CTRC: variants seen among roughly 807,000 people sequenced by gnomAD.
The protein encoded by CTRC is chymotrypsin C.
A neutral mutation model predicts 35.7 loss-of-function variants in CTRC; 32 were observed. The ratio of observed to expected loss-of-function variants is 0.90; its 90% CI spans 0.68 to 1.20. CTRC has a LOEUF of 1.20. Among genes scored for constraint, CTRC ranks in the 50% most tolerant of loss-of-function variants. The probability of loss-of-function intolerance (pLI) is 0.00; values close to 1 mark genes in which losing one functional copy is unlikely to be tolerated. For synonymous variants in CTRC, 119 were observed against 149.5 expected (o/e 0.80, Z 1.49); for missense variants, 324 against 361.5 (o/e 0.90, Z 0.84).
chr1:15,445,560 G>C, intron 6 of CTRC, 37 bp from the exon 7 acceptor site: 1 of 1,607,548 alleles, frequency 6.2e-7, no homozygotes, highest in Admixed American at 1.7e-5. Flanking sequence ...CCTCTGGGGG[G>C]GGGCCTGGTG....
chr1:15,445,594 C>T lies in CTRC; in HGVS notation c.640-3C>T. Reference sequence around the variant, plus strand: ...TGGCTTATGCCCTCCCGGTCTGGTGCAGGGGGACTCCGGTGGCCCACTGAA... The same window carrying T: ...TGGCTTATGCCCTCCCGGTCTGGTGTAGGGGGACTCCGGTGGCCCACTGAA... On this transcript the variant is annotated splice_polypyrimidine_tract_variant and splice_region_variant and intron_variant, in intron 6 of 7. Transcript: ENST00000375949. The T allele has an allele frequency of 6.2e-7, 1 of 1,614,114 alleles. No individual in the cohort carries two copies. Among genetic ancestry groups the T allele is most frequent in the Non-Finnish European group, 8.5e-7 (1 of 1,179,956 alleles).
In CTRC at chr1:15,444,637, G is replaced by A. The variant is rs1204625861; in HGVS notation, c.525G>A (p.Gln175=). Reference sequence around the variant, plus strand: ...GCCCCATTGCTGATAAGCTGCAGCAGGGCCTGCAGCCCGTGGTGGATCACG... The same window carrying A: ...GCCCCATTGCTGATAAGCTGCAGCAAGGCCTGCAGCCCGTGGTGGATCACG... ...TNGPIADKLQ[Q]GLQPVVDHAT... Residue 175 remains glutamine, a synonymous_variant, in exon 6 of 8, where the codon CAG becomes CAA. Coordinates refer to ENST00000375949, the MANE Select transcript of CTRC (RefSeq NM_007272.3). 2 of 1,614,126 alleles carry A rather than the reference G, an allele frequency of 1.2e-6. No individual in the cohort carries two copies. The highest frequency in any genetic ancestry group is 1.7e-6 in the Non-Finnish European group (2 of 1,180,050).
rs1708239871 is a variant in CTRC at position 15,447,531 on chromosome 1, T to C, written c.*942T>C. Reference sequence around the variant, plus strand: ...CAGTGTCCAGGGAGGGACATGCCAGTGGGATCAGACCCTGATGACAGGGGC... The same window carrying C: ...CAGTGTCCAGGGAGGGACATGCCAGCGGGATCAGACCCTGATGACAGGGGC... On this transcript the variant is annotated 3_prime_UTR_variant, in exon 8 of 8. Transcript: ENST00000375949. 6.6e-6 allele frequency: 1 copy of C among 152,208 alleles called. No homozygotes were observed. The highest frequency in any genetic ancestry group is 2.4e-5 in the African/African-American group (1 of 41,320). The allele number at this position is 152,208 out of a possible 1,614,324, so 9.4% of individuals were successfully genotyped here.
At position 15,448,541 on chromosome 1, in the gene CTRC, T is replaced by G. The variant is rs945382192; in HGVS notation, c.*1952T>G. 1 of 149,326 alleles carries G rather than the reference T, an allele frequency of 6.7e-6. No homozygotes were observed. Among genetic ancestry groups the G allele is most frequent in the Admixed American group, 6.7e-5 (1 of 14,874 alleles). 9.3% of individuals were successfully genotyped at this position (149,326 alleles called of 1,614,324 possible). On this transcript the variant is annotated 3_prime_UTR_variant, in exon 8 of 8. Coordinates refer to ENST00000375949, the MANE Select transcript of CTRC (RefSeq NM_007272.3). Reference sequence around the variant, plus strand: ...TTTTGTATTTTTAGCAGAGACGGGGTTTCACCGTGTTAGCCAGGATGGTCT... The same window carrying G: ...TTTTGTATTTTTAGCAGAGACGGGGGTTCACCGTGTTAGCCAGGATGGTCT...
At position 15,438,581 on chromosome 1, in the gene CTRC, T is replaced by TG. The variant is rs893416463; in HGVS notation, c.40+84dup. ...TCCAGGGCAAGGACGGGATGGGGAGTGGGGGGGCCTCTGCTCTCCAGGTAA... is the reference window on the plus strand; with the variant it reads ...TCCAGGGCAAGGACGGGATGGGGAGTGGGGGGGGCCTCTGCTCTCCAGGTAA... On this transcript the variant is annotated intron_variant, in intron 1 of 7. Coordinates refer to ENST00000375949, the MANE Select transcript of CTRC (RefSeq NM_007272.3). The TG allele has an allele frequency of 6.7e-5, 102 of 1,517,790 alleles. 1 individual carries two copies. The highest frequency in any genetic ancestry group is 6.3e-4 in the East Asian group (28 of 44,434). 94.0% of individuals were successfully genotyped at this position (1,517,790 alleles called of 1,614,324 possible). A position where few individuals can be genotyped will look rare whatever the true frequency, so the allele number is the denominator to read the frequency against.
chr1:15,446,460 G>C (rs1708222982), intron 7 of CTRC, 115 bp from the exon 8 acceptor site: 1 of 1,043,956 alleles, frequency 9.6e-7, no homozygotes, highest in Non-Finnish European at 1.5e-6. Context: ...GCTGGCATGT[G>C]AAGGCCGGGG....
At chr1:15,442,255 G>A (rs568621351) in intron 3 of CTRC, among the ~76,000 whole-genome samples, 192 bp from the exon 4 acceptor site, 1 of 152,260 alleles carries the variant, frequency 6.6e-6, no homozygotes, top group East Asian at 1.9e-4. Flanking sequence ...ACAGCCAGGA[G>A]CAGCAAAGTC....
chr1:15,446,462 A>G lies in CTRC; in HGVS notation c.793-113A>G. The G allele has an allele frequency of 4.7e-6, 5 of 1,053,154 alleles. No individual in the cohort carries two copies. The South Asian group carries it at 6.3e-5, about 13-fold the overall frequency. The allele number at this position is 1,053,154 out of a possible 1,614,324, so 65.2% of individuals were successfully genotyped here. A position where few individuals can be genotyped will look rare whatever the true frequency, so the allele number is the denominator to read the frequency against. Reference sequence around the variant, plus strand: ...GAACAGGGACAAGGCTGGCATGTGAAGGCCGGGGGCTGCTGGCCATGCCCC... The same window carrying G: ...GAACAGGGACAAGGCTGGCATGTGAGGGCCGGGGGCTGCTGGCCATGCCCC... On this transcript the variant is annotated intron_variant, in intron 7 of 7. Coordinates refer to ENST00000375949, the MANE Select transcript of CTRC (RefSeq NM_007272.3).
intron 1 of CTRC, among the ~76,000 whole-genome samples, chr1:15,438,805 G>A (rs192819418): frequency 1.7e-4 from 26 of 152,294 alleles, no homozygotes; most frequent in Admixed American, 1.4e-3. Flanking sequence ...TTCACCCCAG[G>A]GACCATCGGG....
In CTRC at chr1:15,445,875, T is replaced by TATTCACTCATTCATGCATTC. The variant is rs1708211500; in HGVS notation, c.792+132_792+151dup. ...TCATTTATTCACTCATTCATGCATT[T>TATTCACTCATTCATGCATTC]ATTCACTCATTCATGCATTCATTCA... On this transcript the variant is annotated intron_variant, in intron 7 of 7. Coordinates refer to ENST00000375949, the MANE Select transcript of CTRC (RefSeq NM_007272.3). 2.6e-6 allele frequency: 3 copies of TATTCACTCATTCATGCATTC among 1,136,262 alleles called. No individual in the cohort carries two copies. The African/African-American group carries it at 4.6e-5, about 17-fold the overall frequency. The allele number at this position is 1,136,262 out of a possible 1,614,324, so 70.4% of individuals were successfully genotyped here.
In CTRC at chr1:15,446,620, C is replaced by T. The variant is rs376394197; in HGVS notation, c.*31C>T. The T allele has an allele frequency of 9.9e-6, 16 of 1,613,926 alleles. No individual in the cohort carries two copies. The highest frequency in any genetic ancestry group is 1.3e-5 in the Non-Finnish European group (15 of 1,179,884). ...TGCTGGGAGCGGCGGCAGCGAGTCC[C>T]TGCAACAGCAATAAACTTCCTTCTC... On this transcript the variant is annotated 3_prime_UTR_variant, in exon 8 of 8. Transcript: ENST00000375949.
intron 5 of CTRC, among the ~76,000 whole-genome samples, chr1:15,443,834 A>G (rs1708172739): frequency 6.6e-6 from 1 of 152,210 alleles, no homozygotes; most frequent in African/African-American, 2.4e-5. Flanking sequence ...AAAATAAACC[A>G]TTAGGGGTAG....
Position 15,445,717 on chromosome 1 carries a change from C to T in CTRC, c.760C>T (p.Arg254Trp), listed in dbSNP as rs121909293. ...CCGCAAGAAGCCGGTAGTCTACACC[C>T]GGGTGTCCGCCTACATCGACTGGAT... Reference protein sequence around the residue: ...NTRKKPVVYTRVSAYIDWINE... With the variant: ...NTRKKPVVYTWVSAYIDWINE... Residue 254 changes from arginine to tryptophan, a missense_variant, in exon 7 of 8, where the codon CGG (arginine) becomes TGG (tryptophan). Coordinates refer to ENST00000375949, the MANE Select transcript of CTRC (RefSeq NM_007272.3). 5,937 of 1,614,198 alleles carry T rather than the reference C, an allele frequency of 3.7e-3. 33 individuals carry two copies. Among genetic ancestry groups the T allele is most frequent in the Non-Finnish European group, 3.5e-3 (4,113 of 1,180,038 alleles).
At chr1:15,443,640 G>A in intron 5 of CTRC, 85 bp downstream of exon 5, 1 of 1,540,818 alleles carries the variant, frequency 6.5e-7, no homozygotes, top group African/African-American at 1.4e-5. Context: ...TTGCCTTTTT[G>A]CCTTCACATT....
intron 3 of CTRC, among the ~76,000 whole-genome samples, chr1:15,441,694 CTT>C (rs769249738): frequency 4.2e-5 from 6 of 142,952 alleles, no homozygotes; most frequent in African/African-American, 2.5e-5. Flanking sequence ...TTCATATACA[CTT>C]TTTTTTTTTT....
At chr1:15,442,625 G>A (rs1708153111) in intron 4 of CTRC, 53 bp downstream of exon 4, 3 of 1,611,436 alleles carry the variant, frequency 1.9e-6, no homozygotes, top group Middle Eastern at 1.6e-4. Flanking sequence ...TGGAAGGAGG[G>A]GTCCCCAAGA....
intron 3 of CTRC, among the ~76,000 whole-genome samples, chr1:15,440,942 G>A (rs539250323): frequency 4.6e-5 from 7 of 152,328 alleles, no homozygotes; most frequent in Non-Finnish European, 8.8e-5. Flanking sequence ...CACTCTGGGA[G>A]GCCGACGCAG....
rs1708227615 is a variant in CTRC, at chr1:15,446,711, T to C, written c.*122T>C. 2 of 1,152,772 alleles carry C rather than the reference T, an allele frequency of 1.7e-6. No individual in the cohort carries two copies. Among genetic ancestry groups the C allele is most frequent in the Non-Finnish European group, 2.6e-6 (2 of 765,096 alleles). 71.4% of individuals were successfully genotyped at this position (1,152,772 alleles called of 1,614,324 possible). A position where few individuals can be genotyped will look rare whatever the true frequency, so the allele number is the denominator to read the frequency against. The stretch of plus-strand genomic sequence containing the variant: ...CTTCCCTCCTCTCTGGTGCTGCCCC[T>C]TTCCACACTATGGAGCCAAAGAGAG... On this transcript the variant is annotated 3_prime_UTR_variant, in exon 8 of 8. Coordinates refer to ENST00000375949, the MANE Select transcript of CTRC (RefSeq NM_007272.3).
At chr1:15,440,658 C>A in intron 3 of CTRC, 68 bp downstream of exon 3, 1 of 1,424,660 alleles carries the variant, frequency 7.0e-7, no homozygotes, top group South Asian at 1.2e-5. Flanking sequence ...TCTGCTTTTT[C>A]TGAGCAGCTT....
Sources: gnomAD v4.1 joint callset for allele counts (sites outside exome capture counted in the v4.1 genomes callset) on GRCh38, gnomAD v4.1.1 for gene constraint, MANE v1.5 for transcripts, NCBI Gene and HGNC (gene_info 2026-07-23, HGNC 2026-07-21) for gene names.